FER: variants seen among roughly 807,000 people sequenced by gnomAD.
FER encodes FER tyrosine kinase, also known as tyrosine-protein kinase Fer.
In FER, 63 loss-of-function variants were observed where a neutral mutation model predicts 111.0. The observed-to-expected ratio is 0.57, with a 90% CI of 0.46 to 0.70. The LOEUF is 0.70. FER is among the 30% of genes least tolerant of loss of function. FER has a pLI of 0.00. For synonymous variants in FER, 327 were observed against 313.9 expected (o/e 1.04, Z -0.44); for missense variants, 914 against 954.0 (o/e 0.96, Z 0.55).
intron 5 of FER, among the ~76,000 whole-genome samples, chr5:108,839,450 G>T (rs1761012830): frequency 6.6e-6 from 1 of 152,218 alleles, no homozygotes; most frequent in Non-Finnish European, 1.5e-5. Flanking sequence ...TCTGCTCTGA[G>T]TGAGGAGAAG....
intron 16 of FER, among the ~76,000 whole-genome samples, chr5:109,082,731 A>AATT (rs1777134449): frequency 1.3e-5 from 2 of 151,992 alleles, no homozygotes; most frequent in African/African-American, 2.4e-5. Flanking sequence ...CATGTACTGT[A>AATT]CTATTAGAAT....
Position 109,019,616 on chromosome 5 carries a change from G to T in FER, c.1657-17806G>T, listed in dbSNP as rs114503977. On this transcript the variant is annotated intron_variant, in intron 13 of 19. Transcript: ENST00000281092. ...AGGCCTACTGATTCAGAAATTTTGA[G>T]GATGAGACATCAGTCATGTTTTACA... Among the ~76,000 whole-genome samples, 1,205 of 151,732 alleles carry T rather than the reference G, an allele frequency of 7.9e-3. 8 individuals are homozygous for T. Among genetic ancestry groups the T allele is most frequent in the African/African-American group, 0.028 (1,149 of 41,474 alleles).
At chr5:109,160,210 G>C (rs975130500) in intron 17 of FER, among the ~76,000 whole-genome samples, 1 of 152,116 alleles carries the variant, frequency 6.6e-6, no homozygotes, top group Non-Finnish European at 1.5e-5. Context: ...TTAGGATTCA[G>C]TCAGATTCCA....
chr5:108,856,859 T>C (rs1313526923), intron 5 of FER, among the ~76,000 whole-genome samples: 1 of 152,138 alleles, frequency 6.6e-6, no homozygotes. Flanking sequence ...AATTTTCTTT[T>C]CTGAACTAGG....
intron 17 of FER, among the ~76,000 whole-genome samples, chr5:109,141,604 C>T (rs1030383167): frequency 2.6e-5 from 4 of 152,158 alleles, no homozygotes; most frequent in Non-Finnish European, 5.9e-5. Context: ...GGCACAGTAG[C>T]GACTTAGGGA....
chr5:108,908,638 G>C (rs929916064), intron 10 of FER, among the ~76,000 whole-genome samples: 3 of 151,648 alleles, frequency 2.0e-5, no homozygotes, highest in African/African-American at 7.3e-5. Context: ...GGAGAATGCT[G>C]TGAACCCGGG....
At chr5:108,857,739 A>G (rs1763135581) in intron 5 of FER, among the ~76,000 whole-genome samples, 1 of 152,104 alleles carries the variant, frequency 6.6e-6, no homozygotes, top group Non-Finnish European at 1.5e-5. Flanking sequence ...AAATTTATGT[A>G]TTAATTTAAT....
At chr5:109,143,746 C>T (rs1227398072) in intron 17 of FER, among the ~76,000 whole-genome samples, 2 of 150,566 alleles carry the variant, frequency 1.3e-5, no homozygotes, top group African/African-American at 2.5e-5. Flanking sequence ...TGCTGTGTGG[C>T]CCAGGCTGGA....
At chr5:108,905,731 A>G (rs1291033652) in intron 10 of FER, among the ~76,000 whole-genome samples, 1 of 152,182 alleles carries the variant, frequency 6.6e-6, no homozygotes, top group Non-Finnish European at 1.5e-5. Flanking sequence ...AACATTTTTT[A>G]AACTTGTGTT....
intron 3 of FER, among the ~76,000 whole-genome samples, chr5:108,799,375 T>C (rs1319050266): frequency 1.3e-5 from 2 of 152,226 alleles, no homozygotes; most frequent in African/African-American, 4.8e-5. Flanking sequence ...CACTTTTGGG[T>C]CTTAGGATTT....
chr5:108,915,979 A>G (rs1752216646), intron 10 of FER, among the ~76,000 whole-genome samples: 2 of 152,010 alleles, frequency 1.3e-5, no homozygotes, highest in Non-Finnish European at 2.9e-5. Flanking sequence ...GATATGACCC[A>G]CTTCCCTCTT....
At chr5:109,054,850 C>G (rs1033018419) in intron 16 of FER, among the ~76,000 whole-genome samples, 2 of 152,188 alleles carry the variant, frequency 1.3e-5, no homozygotes, top group African/African-American at 4.8e-5. Context: ...ACTATTCTTT[C>G]TCTCTTGACT....
At chr5:108,887,529 T>C (rs1747365670) in intron 9 of FER, among the ~76,000 whole-genome samples, 1 of 151,568 alleles carries the variant, frequency 6.6e-6, no homozygotes, top group Non-Finnish European at 1.5e-5. Flanking sequence ...ATTTAAAAAA[T>C]ATAGAATGAA....
At chr5:108,932,311 GGTTTCCC>G (rs1195882960) in intron 10 of FER, among the ~76,000 whole-genome samples, 5 of 152,074 alleles carry the variant, frequency 3.3e-5, no homozygotes, top group Non-Finnish European at 5.9e-5. Flanking sequence ...TGAGAATGAT[GGTTTCCC>G]GCTTCATCCA....
chr5:108,768,310 G>T (rs1752540225), intron 2 of FER, 72 bp downstream of exon 2: 1 of 152,158 alleles, frequency 6.6e-6, no homozygotes, highest in Non-Finnish European at 1.5e-5. Context: ...ATTGTGACTT[G>T]TCTTGATTTT....
At chr5:108,816,323 C>T (rs1299203060) in intron 3 of FER, among the ~76,000 whole-genome samples, 2 of 152,132 alleles carry the variant, frequency 1.3e-5, no homozygotes, top group African/African-American at 4.8e-5. Context: ...CTTCATTTAC[C>T]TTTTTGTTGT....
intron 19 of FER, 98 bp from the exon 20 acceptor site, chr5:109,187,315 TGTTTCCATATAACTACAACA>T (rs1205938191): frequency 3.9e-6 from 4 of 1,035,602 alleles, no homozygotes; most frequent in African/African-American, 1.6e-5. Flanking sequence ...ATGGATGTTT[TGTTTCCATATAACTACAACA>T]TAAGGTACCA....
At chr5:108,767,606 TC>T (rs1485816966) in intron 1 of FER, among the ~76,000 whole-genome samples, 12 of 152,118 alleles carry the variant, frequency 7.9e-5, no homozygotes, top group Admixed American at 6.5e-5. Context: ...TACCTCATCT[TC>T]CCAAATAGCT....
chr5:108,991,637 T>G (rs1277546881), intron 13 of FER, among the ~76,000 whole-genome samples: 1 of 152,128 alleles, frequency 6.6e-6, no homozygotes, highest in Non-Finnish European at 1.5e-5. Flanking sequence ...TATTTCAATA[T>G]CTCCTTCCTT....
Sources: allele counts gnomAD v4.1 joint callset (sites outside exome capture counted in the v4.1 genomes callset), GRCh38; gene constraint gnomAD v4.1.1; transcripts MANE v1.5; gene names NCBI Gene and HGNC (gene_info 2026-07-23, HGNC 2026-07-21).